Variants in NUP35 observed in about 807,000 individuals in gnomAD.
NUP35 encodes the protein nucleoporin NUP35.
NUP35 carries 25 observed loss-of-function variants against 41.5 expected under a neutral mutation model. The observed-to-expected ratio is 0.60, with a 90% CI of 0.44 to 0.84. The LOEUF (loss-of-function observed/expected upper bound fraction) is 0.84, where lower values mean the gene tolerates loss of function less well. Ranked by LOEUF, NUP35 falls within the 40% of genes least tolerant of loss-of-function variation. The pLI is 0.00. For missense variants in NUP35, 396 were observed against 396.6 expected, an observed-to-expected ratio of 1.00 and a Z score of 0.01; for synonymous variants, 149 against 130.7, an observed-to-expected ratio of 1.14 and a Z score of -0.96.
intron 2 of NUP35, among the ~76,000 whole-genome samples, chr2:183,129,280 G>A (rs1435742361): frequency 6.6e-6 from 1 of 152,102 alleles, no homozygotes; most frequent in African/African-American, 2.4e-5. Context: ...AATGCAGCCT[G>A]TGTTTATTAC....
Position 183,134,958 on chromosome 2 carries a change from A to G in NUP35, c.397+1335A>G, listed in dbSNP as rs4280423. Among the ~76,000 whole-genome samples the G allele has an allele frequency of 9.9e-3, 1,511 of 152,020 alleles. 31 individuals carry two copies. Among genetic ancestry groups the G allele is most frequent in the African/African-American group, 0.035 (1,447 of 41,440 alleles). ...CTATTTTCTTGCCTTTTCCATTTCT[A>G]GAGGCTACTTAATGTTTCTTGGCTT... On this transcript the variant is annotated intron_variant, in intron 4 of 8. Coordinates refer to ENST00000295119, the MANE Select transcript of NUP35 (RefSeq NM_138285.5).
At chr2:183,137,113 C>T (rs1308548144) in intron 4 of NUP35, among the ~76,000 whole-genome samples, 1 of 151,800 alleles carries the variant, frequency 6.6e-6, no homozygotes, top group Non-Finnish European at 1.5e-5. Context: ...TCTTGGAGGC[C>T]TTTTTAGAAG....
chr2:183,133,244 A>G (rs1175059046), intron 3 of NUP35, among the ~76,000 whole-genome samples: 2 of 151,896 alleles, frequency 1.3e-5, no homozygotes, highest in East Asian at 1.9e-4. Flanking sequence ...AAAAATTACC[A>G]TTATCTCTGT....
chr2:183,144,268 TC>T (rs1214931698), intron 4 of NUP35, among the ~76,000 whole-genome samples: 1 of 152,196 alleles, frequency 6.6e-6, no homozygotes, highest in African/African-American at 2.4e-5. Context: ...CTAGGGAAGC[TC>T]ACTGGAGCAT....
At chr2:183,153,874 T>A (rs991468770) in intron 5 of NUP35, among the ~76,000 whole-genome samples, 6 of 152,230 alleles carry the variant, frequency 3.9e-5, no homozygotes, top group African/African-American at 1.4e-4. Context: ...GCGGAGGTTC[T>A]CCATGAGGGC....
At chr2:183,125,560 T>C (rs2705721) in intron 1 of NUP35, among the ~76,000 whole-genome samples, 144,976 of 152,338 alleles carry the variant, frequency 0.95, 69,024 homozygotes, top group East Asian at 1. Context: ...ATGTCAATAA[T>C]GCAGATACTC....
At chr2:183,119,213 G>C (rs1700032757) in intron 1 of NUP35, among the ~76,000 whole-genome samples, 1 of 152,152 alleles carries the variant, frequency 6.6e-6, no homozygotes. Context: ...ACAACCGCCT[G>C]ACATTCCTGG....
At chr2:183,140,626 A>T (rs950070439) in intron 4 of NUP35, among the ~76,000 whole-genome samples, 1 of 152,130 alleles carries the variant, frequency 6.6e-6, no homozygotes, top group Non-Finnish European at 1.5e-5. Flanking sequence ...GTTCAAGATC[A>T]TCCTGGCCAA....
At chr2:183,159,444 G>A (rs897459547) in intron 7 of NUP35, 44 bp from the exon 8 acceptor site, 1 of 1,484,170 alleles carries the variant, frequency 6.7e-7, no homozygotes, top group Non-Finnish European at 9.3e-7. Context: ...TGGATGATAT[G>A]TATTATGTTT....
chr2:183,128,214 G>T, intron 1 of NUP35, 73 bp from the exon 2 acceptor site: 1 of 1,200,260 alleles, frequency 8.3e-7, no homozygotes, highest in Non-Finnish European at 1.1e-6. Flanking sequence ...TTAGATTCTT[G>T]CATGTTTTTG....
chr2:183,158,429 T>C lies in NUP35; in HGVS notation c.738+18T>C. ...TTGACAAAGTAAGTTATTGGTGATG[T>C]AGGCAAAGTAGCTTAATCTATATGA... On this transcript the variant is annotated intron_variant, in intron 7 of 8. Transcript: ENST00000295119. 1 of 1,573,708 alleles carries C rather than the reference T, an allele frequency of 6.4e-7. No individual in the cohort carries two copies. The highest frequency in any genetic ancestry group is 8.6e-7 in the Non-Finnish European group (1 of 1,157,130).
intron 4 of NUP35, among the ~76,000 whole-genome samples, chr2:183,143,816 A>T (rs1022806711): frequency 6.6e-6 from 1 of 152,174 alleles, no homozygotes; most frequent in South Asian, 2.1e-4. Flanking sequence ...AGGGGTTTGC[A>T]AGGGATTATA....
Position 183,161,148 on chromosome 2 carries a change from A to T in NUP35, c.*17A>T, listed in dbSNP as rs79259445. Reference sequence around the variant, plus strand: ...GGCTGGTAGTAGAACACCAAGAAGGAGGTTGCTACACTAAAACAGAGTTAG... The same window carrying T: ...GGCTGGTAGTAGAACACCAAGAAGGTGGTTGCTACACTAAAACAGAGTTAG... On this transcript the variant is annotated 3_prime_UTR_variant, in exon 9 of 9. Transcript: ENST00000295119. 0.055 allele frequency: 87,473 copies of T among 1,591,378 alleles called. 3,101 individuals are homozygous for T. The highest frequency in any genetic ancestry group is 0.14 in the South Asian group (12,969 of 90,180).
chr2:183,124,273 G>A, upstream of NUP35: 1 of 1,384,862 alleles, frequency 7.2e-7, no homozygotes, highest in Non-Finnish European at 9.4e-7. Flanking sequence ...CCTTTCCTCG[G>A]AAATTCTCAG....
At chr2:183,132,418 T>C (rs78073967) in intron 3 of NUP35, among the ~76,000 whole-genome samples, 5,237 of 148,168 alleles carry the variant, frequency 0.035, 133 homozygotes, top group Non-Finnish European at 0.057. Context: ...AAAGGCTAGA[T>C]GTGGTGGTGT....
At chr2:183,159,447 T>G in intron 7 of NUP35, 41 bp from the exon 8 acceptor site, 1 of 1,520,304 alleles carries the variant, frequency 6.6e-7, no homozygotes, top group Non-Finnish European at 9.0e-7. Context: ...ATGATATGTA[T>G]TATGTTTATA....
At chr2:183,150,281 A>G (rs747777847) in intron 4 of NUP35, among the ~76,000 whole-genome samples, 4 of 151,920 alleles carry the variant, frequency 2.6e-5, no homozygotes, top group Non-Finnish European at 5.9e-5. Flanking sequence ...TTGGTTTTCT[A>G]CCTCGCTTAG....
upstream of NUP35, chr2:183,120,013 TGTATATA>T (rs66891647): frequency 0.53 from 80,774 of 151,336 alleles, 24,220 homozygotes; most frequent in East Asian, 0.89. Context: ...CAGGTGACAA[TGTATATA>T]GTATAATGAA....
chr2:183,158,736 G>C (rs1034019321), intron 7 of NUP35, among the ~76,000 whole-genome samples: 1 of 152,034 alleles, frequency 6.6e-6, no homozygotes, highest in Non-Finnish European at 1.5e-5. Flanking sequence ...TGTGCAAAGC[G>C]ATACCAGATT....
Sources: gnomAD v4.1 joint callset for allele counts (sites outside exome capture counted in the v4.1 genomes callset) on GRCh38, gnomAD v4.1.1 for gene constraint, MANE v1.5 for transcripts, NCBI Gene and HGNC (gene_info 2026-07-23, HGNC 2026-07-21) for gene names.